Variants in CDH13 observed in about 807,000 individuals in gnomAD.
CDH13 encodes the protein cadherin 13.
Under a neutral mutation model 63.8 loss-of-function variants are expected in CDH13, and 24 were observed. That is an observed-to-expected ratio of 0.38 (90% CI 0.27 to 0.53). The LOEUF (loss-of-function observed/expected upper bound fraction) is 0.53. Ranked by LOEUF, CDH13 falls within the 20% of genes least tolerant of loss-of-function variation. The probability of loss-of-function intolerance (pLI) is 0.85; values close to 1 mark genes in which losing one functional copy is unlikely to be tolerated. For synonymous variants in CDH13, 503 were observed against 355.3 expected, an observed-to-expected ratio of 1.42 and a Z score of -4.67; for missense variants, 1,049 against 903.1, an observed-to-expected ratio of 1.16 and a Z score of -2.07.
In CDH13 at chr16:82,637,055, G is replaced by C. The variant is rs561880235; in HGVS notation, c.45+9918G>C. Among the ~76,000 whole-genome samples the C allele has an allele frequency of 1.4e-4, 21 of 152,302 alleles. 1 individual carries two copies. In the South Asian group the frequency reaches 2.7e-3, roughly 20 times the overall value. On this transcript the variant is annotated intron_variant, in intron 1 of 13. Coordinates refer to ENST00000567109, the MANE Select transcript of CDH13 (RefSeq NM_001257.5). Reference sequence around the variant, plus strand: ...GAGTAAAAAGATGTTAGAATGCAGGGAAGTCCAATTTGCTGCAAAGATGCA... The same window carrying C: ...GAGTAAAAAGATGTTAGAATGCAGGCAAGTCCAATTTGCTGCAAAGATGCA...
At chr16:83,764,607 C>A (rs1176397168) in intron 11 of CDH13, among the ~76,000 whole-genome samples, 1 of 152,074 alleles carries the variant, frequency 6.6e-6, no homozygotes, top group South Asian at 2.1e-4. Context: ...CTGTGAGGCT[C>A]CCACCCCCTC....
intron 7 of CDH13, among the ~76,000 whole-genome samples, chr16:83,523,472 A>G (rs1311880539): frequency 6.6e-6 from 1 of 152,156 alleles, no homozygotes; most frequent in Non-Finnish European, 1.5e-5. Flanking sequence ...TTATCCTTGA[A>G]GAGAAACTCA....
At chr16:83,099,521 G>C (rs1427637049) in intron 3 of CDH13, among the ~76,000 whole-genome samples, 1 of 151,296 alleles carries the variant, frequency 6.6e-6, no homozygotes, top group Non-Finnish European at 1.5e-5. Flanking sequence ...ACAGGGTTTT[G>C]CCATGTTGGC....
intron 2 of CDH13, among the ~76,000 whole-genome samples, chr16:82,962,590 G>A (rs1338935269): frequency 1.3e-5 from 2 of 152,148 alleles, no homozygotes; most frequent in African/African-American, 4.8e-5. Flanking sequence ...GACGGGAGTG[G>A]GAGTAGGAAG....
intron 3 of CDH13, among the ~76,000 whole-genome samples, chr16:83,087,615 C>A (rs2033670443): frequency 7.6e-6 from 1 of 132,396 alleles, no homozygotes; most frequent in African/African-American, 2.8e-5. Context: ...TCACAGCGAG[C>A]CAAAACCGTG....
chr16:82,969,901 A>T (rs1020683709), intron 2 of CDH13, among the ~76,000 whole-genome samples: 11 of 151,774 alleles, frequency 7.2e-5, no homozygotes, highest in Admixed American at 2.6e-4. Context: ...CAGAAAGTCC[A>T]TTTCTACACC....
intron 2 of CDH13, among the ~76,000 whole-genome samples, chr16:82,922,419 A>G (rs997814916): frequency 6.6e-6 from 1 of 152,090 alleles, no homozygotes; most frequent in East Asian, 1.9e-4. Flanking sequence ...AGGGAGTAGA[A>G]CTCAGATTAG....
intron 2 of CDH13, among the ~76,000 whole-genome samples, chr16:82,915,586 G>A (rs1313592906): frequency 1.3e-5 from 2 of 152,020 alleles, no homozygotes; most frequent in Non-Finnish European, 2.9e-5. Flanking sequence ...GACAGGAGGA[G>A]GGAGAGTGTA....
At chr16:83,228,978 G>C (rs953043114) in intron 5 of CDH13, among the ~76,000 whole-genome samples, 1 of 152,154 alleles carries the variant, frequency 6.6e-6, no homozygotes, top group African/African-American at 2.4e-5. Flanking sequence ...CCTGGGTAGT[G>C]AATGGGATTA....
intron 2 of CDH13, among the ~76,000 whole-genome samples, chr16:82,899,042 A>T (rs1336247734): frequency 6.6e-6 from 1 of 152,216 alleles, no homozygotes; most frequent in African/African-American, 2.4e-5. Flanking sequence ...CTCATCAACT[A>T]GGATGACAAG....
chr16:83,714,125 C>A (rs1908520727), intron 10 of CDH13, among the ~76,000 whole-genome samples: 1 of 152,130 alleles, frequency 6.6e-6, no homozygotes, highest in African/African-American at 2.4e-5. Flanking sequence ...GGTGGTCTTA[C>A]AGGAAGAAGT....
chr16:82,992,783 C>T (rs1420507807), intron 2 of CDH13, among the ~76,000 whole-genome samples: 1 of 152,090 alleles, frequency 6.6e-6, no homozygotes. Context: ...AGTAGTTGAC[C>T]CCATAAAAAT....
intron 2 of CDH13, among the ~76,000 whole-genome samples, chr16:82,946,916 T>A (rs1322068585): frequency 6.6e-6 from 1 of 152,114 alleles, no homozygotes; most frequent in East Asian, 1.9e-4. Flanking sequence ...CATATATATT[T>A]ATTAGAAAGG....
chr16:83,220,593 TAA>T (rs2039667596), intron 5 of CDH13, among the ~76,000 whole-genome samples: 1 of 134,552 alleles, frequency 7.4e-6, no homozygotes, highest in African/African-American at 2.9e-5. Flanking sequence ...CCATAGAACT[TAA>T]AGTGTAATAA....
intron 3 of CDH13, among the ~76,000 whole-genome samples, chr16:83,080,879 T>TTG: frequency 9.0e-6 from 1 of 110,626 alleles, no homozygotes; most frequent in African/African-American, 3.7e-5. Context: ...GTGTTTTTTT[T>TTG]TTTTTTTTTT....
At chr16:83,298,852 T>C (rs2089664400) in intron 5 of CDH13, among the ~76,000 whole-genome samples, 1 of 152,250 alleles carries the variant, frequency 6.6e-6, no homozygotes. Context: ...CAATGTGATG[T>C]CTTTTCCAAT....
At position 83,210,253 on chromosome 16, in the gene CDH13, C is replaced by CG. The variant is rs567669289; in HGVS notation, c.484-7088dup. On this transcript the variant is annotated intron_variant, in intron 4 of 13. Coordinates refer to ENST00000567109, the MANE Select transcript of CDH13 (RefSeq NM_001257.5). ...CTAGTTTTTGTATTTTCAGTAGAGA[C>CG]GGGGTCTCACCATGTTGGCCAAGCT... is the stretch of plus-strand genomic sequence containing the variant. 1.6e-3 allele frequency among the ~76,000 whole-genome samples: 244 copies of CG among 151,966 alleles called. 1 individual carries two copies. Among genetic ancestry groups the CG allele is most frequent in the African/African-American group, 5.6e-3 (233 of 41,482 alleles).
At chr16:83,535,106 A>T (rs1009306894) in intron 7 of CDH13, among the ~76,000 whole-genome samples, 1 of 152,212 alleles carries the variant, frequency 6.6e-6, no homozygotes, top group Non-Finnish European at 1.5e-5. Flanking sequence ...TCAGTCTGCC[A>T]TATACACTGT....
At chr16:83,582,891 G>C (rs72793484) in intron 7 of CDH13, among the ~76,000 whole-genome samples, 5 of 152,302 alleles carry the variant, frequency 3.3e-5, no homozygotes, top group Non-Finnish European at 5.9e-5. Context: ...GGCCATTGGT[G>C]GAGTTTGCAC....
Sources: allele counts gnomAD v4.1 joint callset (sites outside exome capture counted in the v4.1 genomes callset), GRCh38; gene constraint gnomAD v4.1.1; transcripts MANE v1.5; gene names NCBI Gene and HGNC (gene_info 2026-07-23, HGNC 2026-07-21).